The following SHISA9 variants were observed in gnomAD, a reference collection of about 807,000 sequenced individuals.
SHISA9 encodes the protein protein shisa-9.
SHISA9 carries 13 observed loss-of-function variants against 38.0 expected under a neutral mutation model. The observed-to-expected ratio is 0.34, with a 90% CI of 0.22 to 0.54. SHISA9 has a LOEUF of 0.54. Ranked by LOEUF, SHISA9 falls within the 20% of genes least tolerant of loss-of-function variation. The probability of loss-of-function intolerance (pLI) is 0.91; values close to 1 mark genes in which losing one functional copy is unlikely to be tolerated. For synonymous variants in SHISA9, 275 were observed against 242.0 expected (o/e 1.14, Z -1.27); for missense variants, 538 against 575.8 (o/e 0.93, Z 0.67).
At chr16:13,467,492 G>T in the SHISA9 span, among the ~76,000 whole-genome samples, 1 of 152,134 alleles carries the variant, frequency 6.6e-6, no homozygotes, top group Non-Finnish European at 1.5e-5. Context: ...TTCAGGGCTT[G>T]GACTGAGCCA....
the SHISA9 span, among the ~76,000 whole-genome samples, chr16:13,412,889 A>G: frequency 6.6e-6 from 1 of 152,110 alleles, no homozygotes; most frequent in Admixed American, 6.6e-5. Context: ...AAACAAACAA[A>G]ACAAAAAGGA....
chr16:13,461,803 C>T, the SHISA9 span, among the ~76,000 whole-genome samples: 7 of 151,318 alleles, frequency 4.6e-5, no homozygotes, highest in East Asian at 4.1e-4. Flanking sequence ...TTAGTAGAGA[C>T]GGGGTTTCAC....
intron 2 of SHISA9, among the ~76,000 whole-genome samples, chr16:13,171,684 A>T (rs1236448172): frequency 6.6e-6 from 1 of 150,718 alleles, no homozygotes; most frequent in Non-Finnish European, 1.5e-5. Flanking sequence ...AGAGCAAAAA[A>T]GTGGGGAGTG....
intron 2 of SHISA9, among the ~76,000 whole-genome samples, chr16:13,041,434 C>A (rs910610668): frequency 6.6e-6 from 1 of 152,210 alleles, no homozygotes; most frequent in African/African-American, 2.4e-5. Context: ...TCCTCCAGTG[C>A]AAACCTTTGT....
In SHISA9 at chr16:13,138,212, A is replaced by G. The variant is rs78416144; in HGVS notation, c.692-65182A>G. ...GCAGCAGCATCTGAGAGCCTGATGG[A>G]AATGCAAAATCTGAGGCCTCATCCC... On this transcript the variant is annotated intron_variant, in intron 2 of 4. Coordinates refer to ENST00000558583, the MANE Select transcript of SHISA9 (RefSeq NM_001145204.3). Among the ~76,000 whole-genome samples the G allele has an allele frequency of 9.4e-4, 143 of 152,314 alleles. 2 individuals are homozygous for G. In the East Asian group the frequency reaches 0.026, roughly 27 times the overall value.
intron 2 of SHISA9, among the ~76,000 whole-genome samples, chr16:13,173,289 G>C (rs917437030): frequency 4.7e-5 from 7 of 150,162 alleles, no homozygotes; most frequent in African/African-American, 1.5e-4. Context: ...AGGTATCCCA[G>C]AAGAACAAAA....
chr16:13,327,449 C>G, the SHISA9 span, among the ~76,000 whole-genome samples: 1 of 152,010 alleles, frequency 6.6e-6, no homozygotes, highest in Admixed American at 6.5e-5. Flanking sequence ...AACTCCATCT[C>G]TACTAAAAAT....
At chr16:13,302,140 G>A in the SHISA9 span, among the ~76,000 whole-genome samples, 13 of 152,106 alleles carry the variant, frequency 8.5e-5, no homozygotes, top group Admixed American at 6.5e-4. Context: ...CTTGTTTCTC[G>A]GTCCAGTTGT....
At chr16:13,119,572 C>T (rs1048808029) in intron 2 of SHISA9, among the ~76,000 whole-genome samples, 3 of 152,130 alleles carry the variant, frequency 2.0e-5, no homozygotes, top group Non-Finnish European at 2.9e-5. Context: ...TAATCATTAA[C>T]AATCGCTAAT....
rs534821226 is a variant in SHISA9 at position 13,073,960 on chromosome 16, T to G, written c.692-129434T>G. On this transcript the variant is annotated intron_variant, in intron 2 of 4. Coordinates refer to ENST00000558583, the MANE Select transcript of SHISA9 (RefSeq NM_001145204.3). ...TGAGAATAAATTTCTGCTGGTCGTT[T>G]TTTTTTTTGTTTTTTTTTTTTGTGG... Among the ~76,000 whole-genome samples, 12 of 129,590 alleles carry G rather than the reference T, an allele frequency of 9.3e-5. 1 individual carries two copies. The South Asian group carries it at 2.8e-3, about 30-fold the overall frequency. The allele number at this position is 129,590 out of a possible 152,430, so 85.0% of individuals were successfully genotyped here.
At chr16:13,255,295 C>A in the SHISA9 span, among the ~76,000 whole-genome samples, 5 of 152,094 alleles carry the variant, frequency 3.3e-5, no homozygotes, top group Non-Finnish European at 4.4e-5. Context: ...CATCTTTCTT[C>A]CTTTTTGTTT....
At chr16:13,437,968 C>A in the SHISA9 span, among the ~76,000 whole-genome samples, 1 of 151,116 alleles carries the variant, frequency 6.6e-6, no homozygotes, top group African/African-American at 2.4e-5. Flanking sequence ...TGGGTTAAAG[C>A]CATTTTCCCG....
chr16:13,088,194 T>C (rs547789967), intron 2 of SHISA9, among the ~76,000 whole-genome samples: 1 of 152,360 alleles, frequency 6.6e-6, no homozygotes, highest in South Asian at 2.1e-4. Flanking sequence ...TCTGTTTTGT[T>C]ACCAGTACCA....
At chr16:13,298,619 C>G in the SHISA9 span, among the ~76,000 whole-genome samples, 1 of 152,180 alleles carries the variant, frequency 6.6e-6, no homozygotes, top group Non-Finnish European at 1.5e-5. Context: ...CCACTTTTGT[C>G]TGACTCTAGG....
At chr16:13,560,050 T>C in the SHISA9 span, among the ~76,000 whole-genome samples, 2 of 152,242 alleles carry the variant, frequency 1.3e-5, no homozygotes. Context: ...GAGAATTCAT[T>C]GACTTGGGCA....
the SHISA9 span, among the ~76,000 whole-genome samples, chr16:13,508,211 A>G: frequency 6.6e-6 from 1 of 152,206 alleles, no homozygotes; most frequent in Admixed American, 6.5e-5. Flanking sequence ...TTCAACTATG[A>G]TTGTGTTTAT....
the SHISA9 span, among the ~76,000 whole-genome samples, chr16:13,346,570 G>C: frequency 8.8e-3 from 1,337 of 152,304 alleles, 22 homozygotes; most frequent in African/African-American, 0.03. Context: ...TGAGGTAATA[G>C]TAATCTCCCA....
At chr16:13,144,149 G>C (rs1029204538) in intron 2 of SHISA9, among the ~76,000 whole-genome samples, 1 of 151,258 alleles carries the variant, frequency 6.6e-6, no homozygotes, top group African/African-American at 2.4e-5. Context: ...CAGTTGGAGG[G>C]GCTAGTTCTT....
chr16:13,527,435 G>A, the SHISA9 span, among the ~76,000 whole-genome samples: 1 of 152,166 alleles, frequency 6.6e-6, no homozygotes, highest in African/African-American at 2.4e-5. Context: ...TTCACTGAGA[G>A]CCCAGAGTTG....
Sources: allele counts gnomAD v4.1 joint callset (sites outside exome capture counted in the v4.1 genomes callset), GRCh38; gene constraint gnomAD v4.1.1; transcripts MANE v1.5; gene names NCBI Gene and HGNC (gene_info 2026-07-23, HGNC 2026-07-21).